ENPP2: variants seen among roughly 807,000 people sequenced by gnomAD.
ENPP2 encodes autotaxin.
ENPP2 carries 51 observed loss-of-function variants against 120.2 expected under a neutral mutation model. The ratio of observed to expected loss-of-function variants is 0.42; its 90% CI spans 0.34 to 0.54. The LOEUF is 0.54. Ranked by LOEUF, ENPP2 falls within the 20% of genes least tolerant of loss-of-function variation. ENPP2 has a pLI of 0.04. For synonymous variants in ENPP2, 365 were observed against 366.4 expected, an observed-to-expected ratio of 1.00 and a Z score of 0.04; for missense variants, 920 against 1,066.5, an observed-to-expected ratio of 0.86 and a Z score of 1.91.
At chr8:119,626,463 T>C in intron 3 of ENPP2, 102 bp downstream of exon 3, 1 of 824,120 alleles carries the variant, frequency 1.2e-6, no homozygotes, top group Non-Finnish European at 2.0e-6. Context: ...GAATCCACAG[T>C]TTGGATAGAC....
intron 18 of ENPP2, among the ~76,000 whole-genome samples, chr8:119,582,206 TG>T (rs1341766623): frequency 6.6e-6 from 1 of 152,240 alleles, no homozygotes; most frequent in Non-Finnish European, 1.5e-5. Context: ...TCTATACCTG[TG>T]CTATTCAATA....
At chr8:119,579,551 G>A (rs1429105121) in intron 19 of ENPP2, among the ~76,000 whole-genome samples, 1 of 140,656 alleles carries the variant, frequency 7.1e-6, no homozygotes, top group Non-Finnish European at 1.5e-5. Flanking sequence ...ACGCCTCTTA[G>A]TACAAATCAC....
At chr8:119,605,358 G>T (rs1471322282) in intron 9 of ENPP2, among the ~76,000 whole-genome samples, 8 of 151,484 alleles carry the variant, frequency 5.3e-5, no homozygotes, top group African/African-American at 1.9e-4. Context: ...GAGCCCCCAG[G>T]CCCGGCCATA....
upstream of ENPP2, among the ~76,000 whole-genome samples, chr8:119,641,381 A>G (rs963695503): frequency 6.6e-6 from 1 of 152,148 alleles, no homozygotes; most frequent in Non-Finnish European, 1.5e-5. Flanking sequence ...AACTAAAATG[A>G]CTGGAATTAG....
At chr8:119,622,838 G>A (rs1210595833) in intron 3 of ENPP2, among the ~76,000 whole-genome samples, 1 of 151,996 alleles carries the variant, frequency 6.6e-6, no homozygotes, top group Non-Finnish European at 1.5e-5. Flanking sequence ...AAGAACAGGA[G>A]AGACTAGGTC....
chr8:119,666,305 C>T (rs890228920), intron 1 of ENPP2, among the ~76,000 whole-genome samples: 2 of 151,876 alleles, frequency 1.3e-5, no homozygotes, highest in African/African-American at 4.8e-5. Flanking sequence ...CGAAAATTTG[C>T]CTCTGAAAGA....
At chr8:119,580,056 C>G (rs1812622744) in intron 19 of ENPP2, 60 bp downstream of exon 19, 3 of 1,112,134 alleles carry the variant, frequency 2.7e-6, no homozygotes, top group Admixed American at 1.8e-5. Flanking sequence ...AAATAAGAAG[C>G]CTTTTCGATT....
chr8:119,648,162 T>C (rs1343119697), intron 1 of ENPP2, among the ~76,000 whole-genome samples: 1 of 152,200 alleles, frequency 6.6e-6, no homozygotes, highest in Non-Finnish European at 1.5e-5. Context: ...GATGTAATAA[T>C]GCATGTTAAG....
chr8:119,652,788 G>A (rs1306367045), intron 1 of ENPP2, among the ~76,000 whole-genome samples: 2 of 152,142 alleles, frequency 1.3e-5, no homozygotes, highest in Non-Finnish European at 2.9e-5. Flanking sequence ...ACCATGGACT[G>A]TATCAAAATT....
chr8:119,612,803 T>A (rs1171892089), intron 8 of ENPP2, among the ~76,000 whole-genome samples: 1 of 152,178 alleles, frequency 6.6e-6, no homozygotes, highest in African/African-American at 2.4e-5. Flanking sequence ...GGTGGGAGTG[T>A]TGCTTGAGCC....
At chr8:119,600,077 G>A (rs1333373466) in intron 11 of ENPP2, among the ~76,000 whole-genome samples, 3 of 150,542 alleles carry the variant, frequency 2.0e-5, no homozygotes, top group African/African-American at 7.3e-5. Context: ...TTTTTCTCAA[G>A]AATTTATGTT....
In ENPP2 at chr8:119,570,834, G is replaced by A; in HGVS notation, c.1788C>T (p.His596=). The A allele has an allele frequency of 6.5e-7, 1 of 1,544,630 alleles. No individual in the cohort carries two copies. The highest frequency in any genetic ancestry group is 2.3e-5 in the Admixed American group (1 of 44,216). Reference sequence around the variant, plus strand: ...GCACTGCAGGTCGCCCATAGAGGAGGTGTCTCTCTAAAAAAGAAAAAAAAT... The same window carrying A: ...GCACTGCAGGTCGCCCATAGAGGAGATGTCTCTCTAAAAAAGAAAAAAAAT... ...LHTKGSTEER[H]LLYGRPAVLY... Residue 596 remains histidine, a synonymous_variant, in exon 20 of 25, where the codon CAC becomes CAT. Coordinates refer to ENST00000075322, the MANE Select transcript of ENPP2 (RefSeq NM_001040092.3).
chr8:119,660,414 T>A (rs1817887759), intron 1 of ENPP2, among the ~76,000 whole-genome samples: 1 of 152,196 alleles, frequency 6.6e-6, no homozygotes, highest in Admixed American at 6.5e-5. Context: ...ATGTAAGCAG[T>A]GTGGCCCCAG....
intron 1 of ENPP2, among the ~76,000 whole-genome samples, chr8:119,647,768 G>T (rs1237181123): frequency 6.6e-6 from 1 of 152,150 alleles, no homozygotes; most frequent in African/African-American, 2.4e-5. Flanking sequence ...ACTTTGGGAG[G>T]CAGAGGCGGG....
intron 19 of ENPP2, chr8:119,573,007 T>C (rs899294754): frequency 6.6e-6 from 1 of 152,194 alleles, no homozygotes; most frequent in African/African-American, 2.4e-5. Flanking sequence ...TAATTGTTAA[T>C]AGTGTCCCTT....
exon 1 of ENPP2, chr8:119,673,263 G>A: frequency 6.5e-7 from 1 of 1,535,222 alleles, no homozygotes; most frequent in Non-Finnish European, 8.7e-7. Flanking sequence ...CGATCGGCGT[G>A]GCGGGTCATG....
At chr8:119,670,725 T>C (rs1818217694) in intron 1 of ENPP2, among the ~76,000 whole-genome samples, 2 of 152,150 alleles carry the variant, frequency 1.3e-5, no homozygotes, top group African/African-American at 4.8e-5. Context: ...ACCTCACAGA[T>C]GTACAGAAAG....
Position 119,583,796 on chromosome 8 carries a change from A to G in ENPP2, c.1464T>C (p.Phe488=). The change falls in exon 17 of 25, where the codon TTT becomes TTC. Residue 488 remains phenylalanine (F), a synonymous_variant. Transcript: ENST00000075322. ...DNKVNSMQTV[F]VGYGSTFKYK... ...ACTTAAATGTTGAGCCATAACCTAC[A>G]AAAACAGTCTTCCAAAAGAAAAGAA... 1.3e-6 allele frequency: 2 copies of G among 1,586,920 alleles called. No homozygotes were observed. Among genetic ancestry groups the G allele is most frequent in the Non-Finnish European group, 1.7e-6 (2 of 1,159,120 alleles).
intron 17 of ENPP2, among the ~76,000 whole-genome samples, 167 bp from the exon 18 acceptor site, chr8:119,582,769 C>A (rs533077822): frequency 9.9e-5 from 15 of 152,266 alleles, no homozygotes; most frequent in African/African-American, 3.6e-4. Flanking sequence ...CCTCCTGAAC[C>A]ATTCTGGACT....
Sources: gnomAD v4.1 joint callset for allele counts (sites outside exome capture counted in the v4.1 genomes callset) on GRCh38, gnomAD v4.1.1 for gene constraint, MANE v1.5 for transcripts, NCBI Gene and HGNC (gene_info 2026-07-23, HGNC 2026-07-21) for gene names.